NFILZ: variants seen among roughly 807,000 people sequenced by gnomAD.
The protein encoded by NFILZ is NFIL3 like protein.
intron 3 of NFILZ, among the ~76,000 whole-genome samples, chr19:8,659,881 T>TG (rs2043021878): frequency 6.7e-6 from 1 of 150,058 alleles, no homozygotes. Flanking sequence ...GTTTCGGAGA[T>TG]GGGGGAAGGA....
At chr19:8,666,881 C>T (rs562626562) in intron 3 of NFILZ, among the ~76,000 whole-genome samples, 59 of 151,774 alleles carry the variant, frequency 3.9e-4, no homozygotes, top group African/African-American at 1.4e-3. Flanking sequence ...ACCAGAGGTG[C>T]ACACCACCAT....
chr19:8,654,241 C>A (rs940089392), intron 3 of NFILZ, among the ~76,000 whole-genome samples: 2 of 147,336 alleles, frequency 1.4e-5, no homozygotes, highest in African/African-American at 2.5e-5. Flanking sequence ...TCAAAACAAA[C>A]AAACAAAAAC....
intron 2 of NFILZ, among the ~76,000 whole-genome samples, chr19:8,633,476 C>T (rs889817105): frequency 5.9e-5 from 9 of 152,116 alleles, no homozygotes; most frequent in Admixed American, 3.3e-4. Context: ...AGGGAAGCTG[C>T]GGCTAAGCTG....
chr19:8,656,329 C>CACCTCTTCCCTGCAGCCCA (rs1461476995), intron 3 of NFILZ, among the ~76,000 whole-genome samples: 1 of 49,150 alleles, frequency 2.0e-5, no homozygotes. Flanking sequence ...CCCTGAAGCC[C>CACCTCTTCCCTGCAGCCCA]CCTTCTTCCT....
At chr19:8,660,821 G>A (rs1408387669) in intron 3 of NFILZ, among the ~76,000 whole-genome samples, 3 of 151,196 alleles carry the variant, frequency 2.0e-5, no homozygotes, top group African/African-American at 7.3e-5. Context: ...TGTATTTTTA[G>A]TAGAGACAGG....
At chr19:8,637,115 G>C (rs1187964471) in intron 3 of NFILZ, among the ~76,000 whole-genome samples, 1 of 152,120 alleles carries the variant, frequency 6.6e-6, no homozygotes, top group Non-Finnish European at 1.5e-5. Context: ...CATACCTGTA[G>C]TCCCAGTACT....
intron 3 of NFILZ, among the ~76,000 whole-genome samples, chr19:8,659,800 C>T (rs181699061): frequency 6.6e-6 from 1 of 152,178 alleles, no homozygotes; most frequent in Admixed American, 6.5e-5. Flanking sequence ...GGCCTGTTTC[C>T]AGGAGCCCAT....
chr19:8,670,463 A>G (rs1271282859), intron 3 of NFILZ, among the ~76,000 whole-genome samples: 3 of 152,230 alleles, frequency 2.0e-5, no homozygotes, highest in African/African-American at 7.2e-5. Flanking sequence ...CAATAAATGC[A>G]TGAATAGTTG....
At chr19:8,647,791 G>GCACACA (rs1349279601) in intron 3 of NFILZ, among the ~76,000 whole-genome samples, 1,109 of 69,978 alleles carry the variant, frequency 0.016, 20 homozygotes, top group Non-Finnish European at 0.022. Context: ...GCGCGCGCGC[G>GCACACA]CGCGCACACA....
intron 3 of NFILZ, among the ~76,000 whole-genome samples, chr19:8,656,411 GAAA>G (rs2042999655): frequency 1.2e-5 from 1 of 85,268 alleles, no homozygotes; most frequent in African/African-American, 4.4e-5. Flanking sequence ...CCTTCTCTCT[GAAA>G]CCCACCTCTT....
intron 3 of NFILZ, among the ~76,000 whole-genome samples, chr19:8,661,755 G>A (rs1285611583): frequency 2.0e-5 from 3 of 152,120 alleles, no homozygotes; most frequent in African/African-American, 7.2e-5. Context: ...AGCCAGGCAT[G>A]GTGGCGTGCG....
intron 3 of NFILZ, among the ~76,000 whole-genome samples, chr19:8,655,476 C>G (rs782545108): frequency 6.6e-6 from 1 of 152,158 alleles, no homozygotes; most frequent in African/African-American, 2.4e-5. Context: ...ACACCAGGTG[C>G]GGGGACACCC....
At chr19:8,647,789 G>GCACACACACACACACA (rs1305749598) in intron 3 of NFILZ, among the ~76,000 whole-genome samples, 1 of 107,934 alleles carries the variant, frequency 9.3e-6, no homozygotes, top group African/African-American at 3.9e-5. Flanking sequence ...GCGCGCGCGC[G>GCACACACACACACACA]CGCGCGCACA....
At chr19:8,634,922 T>A (rs1183053535) in intron 2 of NFILZ, among the ~76,000 whole-genome samples, 1 of 151,274 alleles carries the variant, frequency 6.6e-6, no homozygotes, top group East Asian at 1.9e-4. Context: ...AAAAAACCAG[T>A]GTAATTTACT....
Position 8,647,795 on chromosome 19 carries a change from G to GCGCACA in NFILZ, c.-164+12050_-164+12051insGCACAC, listed in dbSNP as rs1189605746. Among the ~76,000 whole-genome samples, 174 of 76,314 alleles carry GCGCACA rather than the reference G, an allele frequency of 2.3e-3. 2 individuals are homozygous for GCGCACA. Among genetic ancestry groups the GCGCACA allele is most frequent in the African/African-American group, 7.0e-3 (131 of 18,628 alleles). 50.1% of individuals were successfully genotyped at this position (76,314 alleles called of 152,430 possible). On this transcript the variant is annotated intron_variant, in intron 3 of 5. Coordinates refer to ENST00000691075, the MANE Select transcript of NFILZ (RefSeq NM_001378600.1). ...CGCACACATGCGCGCGCGCGCGCGC[G>GCGCACA]CACACACACACACACACACACACAC...
rs2043132833 is a variant in NFILZ, at chr19:8,679,129, G to T, written c.*1494G>T. Among the ~76,000 whole-genome samples, 1 of 151,178 alleles carries T rather than the reference G, an allele frequency of 6.6e-6. No homozygotes were observed. The highest frequency in any genetic ancestry group is 1.5e-5 in the Non-Finnish European group (1 of 67,886). On this transcript the variant is annotated 3_prime_UTR_variant, in exon 6 of 6. Transcript: ENST00000691075. ...GGCATCAGTGTCCTCTCTCTCCCTG[G>T]CTGCCCCCTGCCCCTGAGAACCAGG... is the stretch of plus-strand genomic sequence containing the variant.
rs540816951 is a variant in NFILZ, at chr19:8,680,544, A to G, written c.*2909A>G. On this transcript the variant is annotated 3_prime_UTR_variant, in exon 6 of 6. Transcript: ENST00000691075. ...AGTCTCCTATCTTTATGTTCCAGGT[A>G]CTGGGGAAAGAGAAGTGAACACAAT... is the stretch of plus-strand genomic sequence containing the variant. 2.0e-5 allele frequency among the ~76,000 whole-genome samples: 3 copies of G among 152,214 alleles called. No individual in the cohort carries two copies. The highest frequency in any genetic ancestry group is 6.5e-5 in the Admixed American group (1 of 15,284).
intron 3 of NFILZ, among the ~76,000 whole-genome samples, chr19:8,655,563 G>C (rs530893015): frequency 6.6e-6 from 1 of 152,130 alleles, no homozygotes; most frequent in Non-Finnish European, 1.5e-5. Flanking sequence ...TACCTCCACC[G>C]CGGGAGGTTC....
rs73006490 is a variant in NFILZ at position 8,680,963 on chromosome 19, C to T, written c.*3328C>T. Among the ~76,000 whole-genome samples the T allele has an allele frequency of 7.9e-5, 12 of 151,538 alleles. No individual in the cohort carries two copies. Among genetic ancestry groups the T allele is most frequent in the Non-Finnish European group, 1.5e-4 (10 of 67,876 alleles). On this transcript the variant is annotated 3_prime_UTR_variant, in exon 6 of 6. Transcript: ENST00000691075. ...GAGTAAGGGGGAGAGAGGGAGGAGG[C>T]GAGGGCAGGGAGGTGATGGAAGCAG...
Sources: allele counts gnomAD v4.1 joint callset (sites outside exome capture counted in the v4.1 genomes callset), GRCh38; gene constraint gnomAD v4.1.1; transcripts MANE v1.5; gene names NCBI Gene and HGNC (gene_info 2026-07-23, HGNC 2026-07-21).